SPHKAP: variants seen among roughly 807,000 people sequenced by gnomAD.
The protein encoded by SPHKAP is SPHK1 interactor, AKAP domain containing, also known as A-kinase anchor protein SPHKAP.
SPHKAP carries 67 observed loss-of-function variants against 137.5 expected under a neutral mutation model. The observed-to-expected ratio is 0.49, with a 90% CI of 0.40 to 0.60. The LOEUF is 0.60. Among genes scored for constraint, SPHKAP ranks in the 20% least tolerant of loss-of-function variants. The pLI, the probability that SPHKAP is intolerant of heterozygous loss-of-function variation, is 0.00. For synonymous variants in SPHKAP, 813 were observed against 785.3 expected, an observed-to-expected ratio of 1.04 and a Z score of -0.59; for missense variants, 2,097 against 2,069.3, an observed-to-expected ratio of 1.01 and a Z score of -0.26.
chr2:228,121,679 GA>G (rs1413865572), intron 2 of SPHKAP, among the ~76,000 whole-genome samples: 1 of 152,190 alleles, frequency 6.6e-6, no homozygotes, highest in African/African-American at 2.4e-5. Context: ...TGGAGAGTAT[GA>G]GCCCTGATAT....
intron 3 of SPHKAP, among the ~76,000 whole-genome samples, chr2:228,101,221 C>T (rs1243767052): frequency 6.6e-6 from 1 of 152,202 alleles, no homozygotes; most frequent in Non-Finnish European, 1.5e-5. Flanking sequence ...TCTTCCCCTT[C>T]CATACACTAG....
intron 3 of SPHKAP, among the ~76,000 whole-genome samples, chr2:228,059,130 C>T (rs959624535): frequency 6.6e-6 from 1 of 152,106 alleles, no homozygotes; most frequent in African/African-American, 2.4e-5. Context: ...TGATTATTCC[C>T]CGTTAGTGCT....
chr2:227,981,274 TTAATA>T lies in SPHKAP; in HGVS notation c.*438_*442del, dbSNP rs1430444676. 2.0e-5 allele frequency: 3 copies of T among 152,466 alleles called. No homozygotes were observed. The highest frequency in any genetic ancestry group is 7.2e-5 in the African/African-American group (3 of 41,480). The allele number at this position is 152,466 out of a possible 1,614,324, so 9.4% of individuals were successfully genotyped here. On this transcript the variant is annotated 3_prime_UTR_variant, in exon 12 of 12. Coordinates refer to ENST00000392056, the MANE Select transcript of SPHKAP (RefSeq NM_001142644.2). ...AGTATTTCTCCGGGCTGGCAGCCCC[TTAATA>T]TAATCAGAAAAGTAAAATATAGGTT...
rs77235731 is a variant in SPHKAP at position 228,181,534 on chromosome 2, A to T, written c.32+33T>A. The T allele has an allele frequency of 3.5e-3, 5,688 of 1,614,114 alleles. 87 individuals carry two copies. The East Asian group carries it at 0.041, about 12-fold the overall frequency. ...CAACGCGGAACGGAGTTTGATCGAC[A>T]TGGTATTGGGCATAGAAAGAAGCGG... On this transcript the variant is annotated intron_variant, in intron 1 of 11. Coordinates refer to ENST00000392056, the MANE Select transcript of SPHKAP (RefSeq NM_001142644.2). This position sits in a 1 kb window ranked among gnomAD's most constrained non-coding sequence, Gnocchi z 4.3.
At chr2:228,131,453 A>G (rs1461126353) in intron 2 of SPHKAP, 1 of 277,586 alleles carries the variant, frequency 3.6e-6, no homozygotes, top group Non-Finnish European at 5.4e-6. Flanking sequence ...TATGTTGTTC[A>G]AGGGTTTTTG....
Position 228,020,070 on chromosome 2 carries a change from C to T in SPHKAP, c.784G>A (p.Glu262Lys). The change falls in exon 7 of 12, where the codon GAA (glutamate) becomes AAA (lysine). Residue 262 changes from glutamate (E) to lysine (K), a missense_variant. Glu to Lys is a moderately conservative substitution (Grantham distance 56). Coordinates refer to ENST00000392056, the MANE Select transcript of SPHKAP (RefSeq NM_001142644.2). The stretch of plus-strand genomic sequence containing the variant: ...TCTTCCAAAGCATAAAGCCACTTTT[C>T]CTTGTTGCAATTCCATTCCACCTGG... ...ATQVEWNCNKEKWLYALEDKY... is the reference protein window; with the variant it reads ...ATQVEWNCNKKKWLYALEDKY... The T allele has an allele frequency of 6.2e-7, 1 of 1,614,162 alleles. No homozygotes were observed. The highest frequency in any genetic ancestry group is 1.1e-5 in the South Asian group (1 of 91,082).
Position 228,019,282 on chromosome 2 carries a change from C to A in SPHKAP, c.1572G>T (p.Val524=). 1 of 1,613,994 alleles carries A rather than the reference C, an allele frequency of 6.2e-7. No individual in the cohort carries two copies. Among genetic ancestry groups the A allele is most frequent in the Non-Finnish European group, 8.5e-7 (1 of 1,179,998 alleles). The stretch of plus-strand genomic sequence containing the variant: ...TGCTCCCTGGGGGAAAGTTCGAGAC[C>A]ACTTGCTCCATTTTGAGTCTTTCTG... ...QATERLKMEQ[V]VSNFPPGSSG... The change falls in exon 7 of 12, where the codon GTG becomes GTT. Residue 524 remains valine, a synonymous_variant. Transcript: ENST00000392056.
chr2:228,052,104 T>A (rs972253531), intron 3 of SPHKAP, among the ~76,000 whole-genome samples: 1 of 152,066 alleles, frequency 6.6e-6, no homozygotes, highest in Non-Finnish European at 1.5e-5. Context: ...TGGTGTGGAT[T>A]TGAAGATTAT....
At chr2:228,065,464 T>C (rs1425127020) in intron 3 of SPHKAP, among the ~76,000 whole-genome samples, 1 of 152,198 alleles carries the variant, frequency 6.6e-6, no homozygotes, top group African/African-American at 2.4e-5. Context: ...GAAGCTTAAT[T>C]GCAGTGGGTT....
chr2:228,028,600 TTTAGATATAC>T lies in SPHKAP; in HGVS notation c.247-1067_247-1058del, dbSNP rs548516133. ...TTTACCTTTTCTATGTTTACATATG[TTTAGATATAC>T]AAATACTTAATGATTGTGTTTCAGT... is the stretch of plus-strand genomic sequence containing the variant. On this transcript the variant is annotated intron_variant, in intron 3 of 11. Transcript: ENST00000392056. 7.4e-4 allele frequency among the ~76,000 whole-genome samples: 113 copies of T among 152,358 alleles called. 1 individual carries two copies. Among genetic ancestry groups the T allele is most frequent in the African/African-American group, 2.6e-3 (109 of 41,592 alleles).
chr2:228,063,529 G>A (rs1696729277), intron 3 of SPHKAP, among the ~76,000 whole-genome samples: 1 of 152,122 alleles, frequency 6.6e-6, no homozygotes, highest in African/African-American at 2.4e-5. Flanking sequence ...AGCACATTAT[G>A]AACTAGTTTT....
chr2:228,072,788 G>A (rs1697045275), intron 3 of SPHKAP, among the ~76,000 whole-genome samples: 1 of 152,204 alleles, frequency 6.6e-6, no homozygotes, highest in Non-Finnish European at 1.5e-5. Flanking sequence ...GGGATGCCCA[G>A]CTATTTGAAG....
chr2:228,134,218 A>AAGGGAAGG (rs1699361853), intron 1 of SPHKAP, among the ~76,000 whole-genome samples: 1 of 125,738 alleles, frequency 8.0e-6, no homozygotes, highest in Non-Finnish European at 1.7e-5. Flanking sequence ...GGAAGGAAGG[A>AAGGGAAGG]AGGGAAGGAG....
intron 7 of SPHKAP, among the ~76,000 whole-genome samples, chr2:228,011,302 G>A (rs934083257): frequency 6.7e-6 from 1 of 149,954 alleles, no homozygotes; most frequent in African/African-American, 2.5e-5. Context: ...CTTTACTGAG[G>A]TTGTAACCCT....
At position 228,021,944 on chromosome 2, in the gene SPHKAP, C is replaced by T. The variant is rs1694858511; in HGVS notation, c.464G>A (p.Cys155Tyr). 2 of 1,602,168 alleles carry T rather than the reference C, an allele frequency of 1.2e-6. No homozygotes were observed. Among genetic ancestry groups the T allele is most frequent in the Non-Finnish European group, 1.7e-6 (2 of 1,174,770 alleles). ...GTTCCCTCTTGCACATTGGACCAAGCAGATATCTGGCAGCCAAGGGCACTA... is the reference window on the plus strand; with the variant it reads ...GTTCCCTCTTGCACATTGGACCAAGTAGATATCTGGCAGCCAAGGGCACTA... ...VSQCPWLPDI[C>Y]LVQCARGNRP... Residue 155 changes from cysteine to tyrosine, a missense_variant, in exon 6 of 12, where the codon TGC (cysteine) becomes TAC (tyrosine). Transcript: ENST00000392056.
chr2:228,104,827 A>AT, intron 3 of SPHKAP, among the ~76,000 whole-genome samples: 1 of 152,242 alleles, frequency 6.6e-6, no homozygotes, highest in South Asian at 2.1e-4. Context: ...AACTATGAAT[A>AT]GAAATAATGT....
intron 5 of SPHKAP, 55 bp downstream of exon 5, chr2:228,025,339 G>A: frequency 6.3e-7 from 1 of 1,599,490 alleles, no homozygotes; most frequent in Non-Finnish European, 8.5e-7. Flanking sequence ...ACACTGATCT[G>A]TGCTGAGCTA....
chr2:228,104,385 TTATATAA>T (rs201928387), intron 3 of SPHKAP, among the ~76,000 whole-genome samples: 3,367 of 143,182 alleles, frequency 0.024, 131 homozygotes, highest in African/African-American at 0.08. Context: ...TATTATATTA[TTATATAA>T]TATATAATTC....
chr2:228,057,976 G>A (rs577618402), intron 3 of SPHKAP, among the ~76,000 whole-genome samples: 1 of 152,118 alleles, frequency 6.6e-6, no homozygotes, highest in Non-Finnish European at 1.5e-5. Flanking sequence ...TGTGAGGGCA[G>A]TTTCTTTTCT....
Sources: allele counts gnomAD v4.1 joint callset (sites outside exome capture counted in the v4.1 genomes callset), GRCh38; gene constraint gnomAD v4.1.1; non-coding constraint Gnocchi (gnomAD v3.1); transcripts MANE v1.5; gene names NCBI Gene and HGNC (gene_info 2026-07-23, HGNC 2026-07-21).